ZNF157: variants seen among roughly 807,000 people sequenced by gnomAD.
ZNF157 encodes the protein zinc finger protein 22.
In ZNF157, 8 loss-of-function variants were observed where a neutral mutation model predicts 9.4. The ratio of observed to expected loss-of-function variants is 0.85; its 90% CI spans 0.50 to 1.53. The LOEUF is 1.53. ZNF157 is among the 40% of genes most tolerant of loss of function. ZNF157 has a pLI of 0.00. For missense variants in ZNF157, 316 were observed against 385.2 expected (o/e 0.82, Z 1.50); for synonymous variants, 120 against 130.8 (o/e 0.92, Z 0.56).
chrX:47,371,530 C>T (rs1466111633), intron 1 of ZNF157, among the ~76,000 whole-genome samples: 1 of 111,348 alleles, frequency 9.0e-6, no homozygotes, highest in Non-Finnish European at 1.9e-5. Flanking sequence ...TCAGATTGTA[C>T]AGTATGTACC....
At chrX:47,384,699 T>C (rs757761146) in intron 1 of ZNF157, among the ~76,000 whole-genome samples, 13 of 112,707 alleles carry the variant, frequency 1.2e-4, no homozygotes, top group Non-Finnish European at 1.9e-4. Context: ...GGCAAAAGCC[T>C]AAGAGCGCCT....
At chrX:47,380,263 G>C (rs1185161740) in intron 1 of ZNF157, among the ~76,000 whole-genome samples, 1 of 110,787 alleles carries the variant, frequency 9.0e-6, no homozygotes, top group African/African-American at 3.3e-5. Context: ...TTTTAGAGCA[G>C]TAGTGAAAGT....
rs7067063 is a variant in ZNF157, at chrX:47,389,309, G to A, written c.72+18569G>A. On this transcript the variant is annotated intron_variant, in intron 1 of 3. Transcript: ENST00000377073. The stretch of plus-strand genomic sequence containing the variant: ...TGACCTCTGACTCCTGGGTTCTAGC[G>A]ATTCTCCTGCCTCAGCCTTCCAAGT... Among the ~76,000 whole-genome samples the A allele has an allele frequency of 1.7e-3, 184 of 107,345 alleles. 1 individual carries two copies. Among genetic ancestry groups the A allele is most frequent in the African/African-American group, 6.1e-3 (180 of 29,467 alleles). The allele number at this position is 107,345 out of a possible 115,157, so 93.2% of individuals were successfully genotyped here.
At chrX:47,386,570 C>T (rs2055880135) in intron 1 of ZNF157, among the ~76,000 whole-genome samples, 1 of 110,819 alleles carries the variant, frequency 9.0e-6, no homozygotes, top group Admixed American at 9.8e-5. Flanking sequence ...AGCAATTCTC[C>T]TGCCTCAGCC....
At chrX:47,384,197 G>A (rs753145027) in intron 1 of ZNF157, among the ~76,000 whole-genome samples, 38 of 110,455 alleles carry the variant, frequency 3.4e-4, no homozygotes, top group African/African-American at 1.1e-3. Context: ...CCGAGATCGC[G>A]CCACTGCACT....
intron 1 of ZNF157, among the ~76,000 whole-genome samples, chrX:47,405,249 C>T (rs1160154536): frequency 9.0e-6 from 1 of 110,897 alleles, no homozygotes; most frequent in Non-Finnish European, 1.9e-5. Context: ...ATTAGCTGGG[C>T]ATGATGGCAT....
intron 1 of ZNF157, among the ~76,000 whole-genome samples, chrX:47,374,103 G>C (rs2055836512): frequency 9.0e-6 from 1 of 110,822 alleles, no homozygotes; most frequent in Non-Finnish European, 1.9e-5. Flanking sequence ...AGTCTGAAGT[G>C]GGGGTAGTCT....
At chrX:47,382,471 G>A (rs1274916546) in intron 1 of ZNF157, among the ~76,000 whole-genome samples, 14 of 105,871 alleles carry the variant, frequency 1.3e-4, no homozygotes, top group African/African-American at 4.5e-4. Flanking sequence ...CGCCCACCTC[G>A]GCCTCCCAAA....
chrX:47,411,257 G>A (rs1396497552), intron 3 of ZNF157, among the ~76,000 whole-genome samples: 1 of 110,759 alleles, frequency 9.0e-6, no homozygotes, highest in Non-Finnish European at 1.9e-5. Flanking sequence ...TCAAAGTGCT[G>A]GGATTACAGG....
chrX:47,402,985 GCA>G (rs1053597693), intron 1 of ZNF157, among the ~76,000 whole-genome samples: 3 of 108,364 alleles, frequency 2.8e-5, no homozygotes, highest in African/African-American at 1.0e-4. Flanking sequence ...TCCAGACTGG[GCA>G]CAGTGGCTCA....
chrX:47,376,965 A>C (rs906802067), intron 1 of ZNF157, among the ~76,000 whole-genome samples: 4 of 111,568 alleles, frequency 3.6e-5, no homozygotes, highest in African/African-American at 9.8e-5. Flanking sequence ...CCAGATAGAA[A>C]TTATGGTTTA....
intron 1 of ZNF157, among the ~76,000 whole-genome samples, chrX:47,373,966 C>T (rs746563070): frequency 1.8e-5 from 2 of 110,088 alleles, no homozygotes; most frequent in Non-Finnish European, 3.8e-5. Context: ...AAAGTGCTGG[C>T]ATTACAGGCA....
At chrX:47,405,649 G>A (rs2055944828) in intron 1 of ZNF157, among the ~76,000 whole-genome samples, 1 of 110,719 alleles carries the variant, frequency 9.0e-6, no homozygotes, top group Non-Finnish European at 1.9e-5. Context: ...GCTTTATGAG[G>A]CAATATTAAA....
At chrX:47,383,337 A>G (rs1452721751) in intron 1 of ZNF157, among the ~76,000 whole-genome samples, 1 of 85,139 alleles carries the variant, frequency 1.2e-5, no homozygotes, top group Non-Finnish European at 2.2e-5. Context: ...GCACCACTGC[A>G]CTCCAGCCTG....
intron 1 of ZNF157, among the ~76,000 whole-genome samples, chrX:47,374,195 C>G (rs2055836736): frequency 9.1e-6 from 1 of 109,983 alleles, no homozygotes; most frequent in African/African-American, 3.3e-5. Flanking sequence ...TGGAGGACAC[C>G]CAGCTGTTGT....
In ZNF157 at chrX:47,414,437, G is replaced by A. The variant is rs1346397348; in HGVS notation, c.*843G>A. 2 of 111,729 alleles carry A rather than the reference G, an allele frequency of 1.8e-5. No homozygotes were observed. The highest frequency in any genetic ancestry group is 3.8e-5 in the Non-Finnish European group (2 of 53,200). The allele number at this position is 111,729 out of a possible 1,213,427, so 9.2% of individuals were successfully genotyped here. A position where few individuals can be genotyped will look rare whatever the true frequency, so the allele number is the denominator to read the frequency against. ...TGAGATTTTTTTGTTATAGCATGAAGTGTGCAATACATACTACTATATTGT... is the reference window on the plus strand; with the variant it reads ...TGAGATTTTTTTGTTATAGCATGAAATGTGCAATACATACTACTATATTGT... On this transcript the variant is annotated 3_prime_UTR_variant, in exon 4 of 4. Coordinates refer to ENST00000377073, the MANE Select transcript of ZNF157 (RefSeq NM_003446.4).
At chrX:47,393,962 G>A (rs1177304297) in intron 1 of ZNF157, among the ~76,000 whole-genome samples, 1 of 104,460 alleles carries the variant, frequency 9.6e-6, no homozygotes, top group East Asian at 3.0e-4. Flanking sequence ...GGCTGGTCTC[G>A]AACTCTTTTT....
At chrX:47,391,580 G>C (rs750700931) in intron 1 of ZNF157, among the ~76,000 whole-genome samples, 28 of 111,905 alleles carry the variant, frequency 2.5e-4, no homozygotes, top group Non-Finnish European at 5.1e-4. Context: ...ACAGAGTCTT[G>C]TTCTGTCTTG....
At chrX:47,381,124 CAGG>C (rs747146668) in intron 1 of ZNF157, among the ~76,000 whole-genome samples, 78 of 70,426 alleles carry the variant, frequency 1.1e-3, no homozygotes, top group African/African-American at 4.2e-3. Context: ...GGAGAAAGAG[CAGG>C]AGGAGGAGGA....
Sources: gnomAD v4.1 joint callset for allele counts (sites outside exome capture counted in the v4.1 genomes callset) on GRCh38, gnomAD v4.1.1 for gene constraint, MANE v1.5 for transcripts, NCBI Gene and HGNC (gene_info 2026-07-23, HGNC 2026-07-21) for gene names.